The following ASTN1 variants were observed in gnomAD, a reference collection of about 807,000 sequenced individuals.
ASTN1 encodes astrotactin 1.
A neutral mutation model predicts 140.7 loss-of-function variants in ASTN1; 41 were observed. That is an observed-to-expected ratio of 0.29 (90% CI 0.23 to 0.38). The LOEUF (loss-of-function observed/expected upper bound fraction) is 0.38, where lower values mean the gene tolerates loss of function less well. ASTN1 is among the 10% of genes least tolerant of loss of function. The pLI, the probability that ASTN1 is intolerant of heterozygous loss-of-function variation, is 1.00. For missense variants in ASTN1, 1,479 were observed against 1,678.8 expected (o/e 0.88, Z 2.08); for synonymous variants, 640 against 652.2 (o/e 0.98, Z 0.29).
At chr1:176,875,974 T>C (rs1182107955) in intron 21 of ASTN1, among the ~76,000 whole-genome samples, 1 of 152,090 alleles carries the variant, frequency 6.6e-6, no homozygotes. Flanking sequence ...TGAAGTCAAG[T>C]TTTTCTTAAT....
chr1:177,149,599 G>GTA (rs1203410325), intron 1 of ASTN1, among the ~76,000 whole-genome samples: 1 of 85,628 alleles, frequency 1.2e-5, no homozygotes, highest in Non-Finnish European at 1.9e-5. Context: ...TATATACACT[G>GTA]TATATATATA....
chr1:177,018,582 G>A (rs576817106), intron 7 of ASTN1, among the ~76,000 whole-genome samples: 2 of 152,300 alleles, frequency 1.3e-5, no homozygotes, highest in East Asian at 1.9e-4. Flanking sequence ...TAGCTGGGAA[G>A]CCTATGCTCC....
At chr1:176,972,485 C>T (rs1042059823) in intron 8 of ASTN1, among the ~76,000 whole-genome samples, 1 of 152,046 alleles carries the variant, frequency 6.6e-6, no homozygotes, top group Non-Finnish European at 1.5e-5. Flanking sequence ...GCTAAATGAA[C>T]TACTACTTTT....
At chr1:176,880,728 G>A (rs949477496) in intron 20 of ASTN1, among the ~76,000 whole-genome samples, 1 of 152,176 alleles carries the variant, frequency 6.6e-6, no homozygotes, top group Admixed American at 6.5e-5. Flanking sequence ...TTTAATATGA[G>A]GTAATGAGGT....
At chr1:177,106,426 G>T (rs1452157774) in intron 1 of ASTN1, among the ~76,000 whole-genome samples, 1 of 152,090 alleles carries the variant, frequency 6.6e-6, no homozygotes, top group East Asian at 1.9e-4. Flanking sequence ...CTTTTCCTAA[G>T]TCCTGGCTTT....
At chr1:176,972,970 C>T (rs527303962) in intron 8 of ASTN1, among the ~76,000 whole-genome samples, 3 of 152,156 alleles carry the variant, frequency 2.0e-5, no homozygotes, top group Middle Eastern at 3.4e-3. Flanking sequence ...ACTGCTCTGC[C>T]CCCATCTTCC....
chr1:176,962,589 AT>A (rs1293392975), intron 9 of ASTN1, among the ~76,000 whole-genome samples: 1 of 152,210 alleles, frequency 6.6e-6, no homozygotes, highest in Non-Finnish European at 1.5e-5. Context: ...ACAAATACAT[AT>A]TAAAATCAGT....
chr1:177,147,814 A>G (rs1682784808), intron 1 of ASTN1, among the ~76,000 whole-genome samples: 1 of 152,178 alleles, frequency 6.6e-6, no homozygotes, highest in Non-Finnish European at 1.5e-5. Flanking sequence ...ACTCATGCCA[A>G]AAAGTAGCAA....
chr1:176,875,826 G>A (rs879330865), intron 21 of ASTN1, among the ~76,000 whole-genome samples: 9 of 152,208 alleles, frequency 5.9e-5, no homozygotes, highest in Non-Finnish European at 1.3e-4. Context: ...TAGTGCTGGA[G>A]CCCTGAAGAA....
chr1:176,941,831 C>T (rs990386870), intron 14 of ASTN1, among the ~76,000 whole-genome samples: 8 of 152,152 alleles, frequency 5.3e-5, no homozygotes, highest in East Asian at 1.9e-4. Context: ...TGTGCCACCT[C>T]GCACGTCTTC....
At chr1:176,928,431 T>C (rs549009258) in intron 16 of ASTN1, among the ~76,000 whole-genome samples, 1 of 152,266 alleles carries the variant, frequency 6.6e-6, no homozygotes, top group Non-Finnish European at 1.5e-5. Flanking sequence ...TGGAAGACAG[T>C]TATGCAGGGA....
At chr1:176,931,681 A>T (rs550033086) in intron 16 of ASTN1, among the ~76,000 whole-genome samples, 2 of 152,280 alleles carry the variant, frequency 1.3e-5, no homozygotes, top group East Asian at 3.9e-4. Flanking sequence ...AGCAAGTTAC[A>T]TATCTGCAAT....
rs1326150531 is a variant in ASTN1, at chr1:176,864,434, G to A, written c.3735C>T (p.Arg1245=). 6.2e-7 allele frequency: 1 copy of A among 1,614,036 alleles called. No individual in the cohort carries two copies. The highest frequency in any genetic ancestry group is 2.2e-5 in the East Asian group (1 of 44,874). ...LLQEPKISLR[R]SSLKYLGCRY... ...GGCACCCCAGGTACTTGAGTGAGCT[G>A]CGCCGCAAGCTTATCTTGGGTTCCT... Residue 1245 remains arginine, a synonymous_variant, in exon 23 of 23, where the codon CGC becomes CGT. Transcript: ENST00000361833.
At chr1:176,880,243 G>A (rs1668740627) in intron 20 of ASTN1, among the ~76,000 whole-genome samples, 2 of 152,098 alleles carry the variant, frequency 1.3e-5, no homozygotes, top group Admixed American at 1.3e-4. Flanking sequence ...TTCCAAAGGT[G>A]GGTCTTAAAG....
At chr1:176,965,080 T>C (rs1428385422) in intron 9 of ASTN1, 83 bp downstream of exon 9, 3 of 1,342,684 alleles carry the variant, frequency 2.2e-6, no homozygotes, top group South Asian at 2.4e-5. Flanking sequence ...TTTTATACTT[T>C]ACCAACTAGG....
intron 14 of ASTN1, among the ~76,000 whole-genome samples, chr1:176,939,810 G>A (rs372701773): frequency 8.1e-6 from 1 of 123,054 alleles, no homozygotes; most frequent in African/African-American, 3.1e-5. Context: ...GAGGAAGAAG[G>A]AAGGAAGGAA....
At chr1:176,889,303 G>A (rs970898583) in intron 17 of ASTN1, among the ~76,000 whole-genome samples, 1 of 152,310 alleles carries the variant, frequency 6.6e-6, no homozygotes, top group Non-Finnish European at 1.5e-5. Context: ...GCTGGTCCAA[G>A]CTAGCCAAGT....
intron 1 of ASTN1, among the ~76,000 whole-genome samples, chr1:177,113,765 C>T (rs956891980): frequency 6.6e-5 from 10 of 152,124 alleles, no homozygotes; most frequent in African/African-American, 2.4e-4. Flanking sequence ...AGTTACATGC[C>T]CTGCACAAAC....
intron 1 of ASTN1, among the ~76,000 whole-genome samples, chr1:177,083,977 A>C (rs1045190332): frequency 6.6e-6 from 1 of 152,178 alleles, no homozygotes; most frequent in African/African-American, 2.4e-5. Flanking sequence ...CTTTTGTCAG[A>C]GTAAATTCTC....
Sources: gnomAD v4.1 joint callset for allele counts (sites outside exome capture counted in the v4.1 genomes callset) on GRCh38, gnomAD v4.1.1 for gene constraint, MANE v1.5 for transcripts, NCBI Gene and HGNC (gene_info 2026-07-23, HGNC 2026-07-21) for gene names.